The following APOBEC3A variants were observed in gnomAD, a reference collection of about 807,000 sequenced individuals.
APOBEC3A encodes DNA dC->dU-editing enzyme APOBEC-3A.
Under a neutral mutation model 23.0 loss-of-function variants are expected in APOBEC3A, and 13 were observed. That is an observed-to-expected ratio of 0.57 (90% CI 0.37 to 0.90). APOBEC3A has a LOEUF of 0.90. Among genes scored for constraint, APOBEC3A ranks in the 40% least tolerant of loss-of-function variants. APOBEC3A has a pLI of 0.01. For missense variants in APOBEC3A, 179 were observed against 264.9 expected, an observed-to-expected ratio of 0.68 and a Z score of 2.25; for synonymous variants, 74 against 101.3, an observed-to-expected ratio of 0.73 and a Z score of 1.62.
At chr22:38,960,954 T>C (rs1922853010) in intron 2 of APOBEC3A, among the ~76,000 whole-genome samples, 1 of 151,722 alleles carries the variant, frequency 6.6e-6, no homozygotes, top group Non-Finnish European at 1.5e-5. Flanking sequence ...TCCTGAAGGC[T>C]CTGACCTTGG....
intron 1 of APOBEC3A, 88 bp from the exon 2 acceptor site, chr22:38,959,454 G>A (rs1922767268): frequency 3.4e-6 from 5 of 1,492,124 alleles, no homozygotes; most frequent in African/African-American, 1.4e-5. Context: ...AGGGTGGGGT[G>A]CAAGGGAGGA....
chr22:38,961,597 A>G lies in APOBEC3A; in HGVS notation c.385A>G (p.Ile129Val). 6.5e-7 allele frequency: 1 copy of G among 1,533,030 alleles called. No individual in the cohort carries two copies. Among genetic ancestry groups the G allele is most frequent in the South Asian group, 1.1e-5 (1 of 88,034 alleles). The allele number at this position is 1,533,030 out of a possible 1,614,324, so 95.0% of individuals were successfully genotyped here. A position where few individuals can be genotyped will look rare whatever the true frequency, so the allele number is the denominator to read the frequency against. ...HVRLRIFAAR[I>V]YDYDPLYKEA... ...GAGACTGCGTATCTTCGCTGCCCGC[A>G]TCTATGATTACGACCCCCTATATAA... Residue 129 changes from isoleucine to valine, a missense_variant, in exon 3 of 5, where the codon ATC (isoleucine) becomes GTC (valine). Physicochemically the swap from Ile to Val is conservative, Grantham distance 29. Around this residue, in one of 5 missense-constraint regions of APOBEC3A, gnomAD observed 37 missense variants for 47.8 expected, o/e 0.77. Coordinates refer to ENST00000249116, the MANE Select transcript of APOBEC3A (RefSeq NM_145699.4).
intron 2 of APOBEC3A, 103 bp downstream of exon 2, chr22:38,959,789 T>C: frequency 6.9e-7 from 1 of 1,447,694 alleles, no homozygotes; most frequent in Non-Finnish European, 9.3e-7. Flanking sequence ...GCAGTGTTTG[T>C]CACTTGTGCT....
At position 38,959,590 on chromosome 22, in the gene APOBEC3A, T is replaced by C; in HGVS notation, c.78T>C (p.Ile26=). The change falls in exon 2 of 5, where the codon ATT becomes ATC. Residue 26 remains isoleucine, a synonymous_variant. Transcript: ENST00000249116. ...TCACTTCCAACTTTAACAATGGCAT[T>C]GGAAGGCATAAGACCTACCTGTGCT... The part of the protein sequence containing the change: ...HIFTSNFNNG[I]GRHKTYLCYE... The C allele has an allele frequency of 6.2e-7, 1 of 1,614,022 alleles. No individual in the cohort carries two copies. The highest frequency in any genetic ancestry group is 1.1e-5 in the South Asian group (1 of 91,086).
chr22:38,960,627 C>A (rs1922837415), intron 2 of APOBEC3A, among the ~76,000 whole-genome samples: 1 of 152,202 alleles, frequency 6.6e-6, no homozygotes. Flanking sequence ...TATACCATGT[C>A]ACAGGGACCT....
rs1922631011 is a variant in APOBEC3A, at chr22:38,957,689, C to T, written c.-3C>T. On this transcript the variant is annotated 5_prime_UTR_variant, in exon 1 of 5. Transcript: ENST00000249116. ...AGACCAGGAACCGAGAAGGGACAAG[C>T]ACATGGAAGCCAGCCCAGCATCCGG... 1.2e-6 allele frequency: 2 copies of T among 1,612,856 alleles called. No individual in the cohort carries two copies. The highest frequency in any genetic ancestry group is 2.2e-5 in the East Asian group (1 of 44,882).
rs1413959034 is a variant in APOBEC3A at position 38,963,003 on chromosome 22, C to T, written c.*494C>T. On this transcript the variant is annotated 3_prime_UTR_variant, in exon 5 of 5. Coordinates refer to ENST00000249116, the MANE Select transcript of APOBEC3A (RefSeq NM_145699.4). ...GAATTAATTTTAACTGAAAATTTCT[C>T]TTATGTTCCAAGTACACAATAGTAA... 11 of 178,654 alleles carry T rather than the reference C, an allele frequency of 6.2e-5. No homozygotes were observed. 11.1% of individuals were successfully genotyped at this position (178,654 alleles called of 1,614,324 possible). A position where few individuals can be genotyped will look rare whatever the true frequency, so the allele number is the denominator to read the frequency against.
intron 4 of APOBEC3A, 53 bp downstream of exon 4, chr22:38,962,266 A>T (rs916212271): frequency 3.8e-6 from 6 of 1,564,058 alleles, no homozygotes; most frequent in East Asian, 2.4e-5. Context: ...CCTCCTCCCC[A>T]CTCCCCTGGG....
Position 38,957,659 on chromosome 22 carries a change from G to A in APOBEC3A, c.-33G>A, listed in dbSNP as rs763929629. Reference sequence around the variant, plus strand: ...CTTGAGCAAGTCGCAAGAGCGGGAGGACACAGACCAGGAACCGAGAAGGGA... The same window carrying A: ...CTTGAGCAAGTCGCAAGAGCGGGAGAACACAGACCAGGAACCGAGAAGGGA... On this transcript the variant is annotated 5_prime_UTR_variant, in exon 1 of 5. Transcript: ENST00000249116. 16 of 1,610,720 alleles carry A rather than the reference G, an allele frequency of 9.9e-6. No homozygotes were observed. In the East Asian group the frequency reaches 2.2e-4, roughly 22 times the overall value.
At chr22:38,961,834 C>T (rs1922906326) in intron 3 of APOBEC3A, among the ~76,000 whole-genome samples, 153 bp downstream of exon 3, 1 of 151,842 alleles carries the variant, frequency 6.6e-6, no homozygotes, top group Admixed American at 6.6e-5. Context: ...GAGGCCAGGC[C>T]AGGAGATGTG....
intron 1 of APOBEC3A, among the ~76,000 whole-genome samples, chr22:38,958,729 T>C (rs1251745292): frequency 6.8e-6 from 1 of 146,756 alleles, no homozygotes; most frequent in African/African-American, 2.6e-5. Context: ...TTTCCTTCCT[T>C]CCTCCCTCCC....
chr22:38,958,316 T>TTC (rs199853737), intron 1 of APOBEC3A, among the ~76,000 whole-genome samples: 1 of 150,284 alleles, frequency 6.7e-6, no homozygotes, highest in African/African-American at 2.5e-5. Flanking sequence ...CTTCCTTCAA[T>TTC]TCTCTCTCTC....
chr22:38,957,804 C>T lies in APOBEC3A; in HGVS notation c.29+84C>T, dbSNP rs1473407509. 5 of 1,521,398 alleles carry T rather than the reference C, an allele frequency of 3.3e-6. No individual in the cohort carries two copies. The African/African-American group carries it at 4.1e-5, about 13-fold the overall frequency. The allele number at this position is 1,521,398 out of a possible 1,614,324, so 94.2% of individuals were successfully genotyped here. The stretch of plus-strand genomic sequence containing the variant: ...TGAGCACTCACCTCTCACCCTCAAA[C>T]CCCTGGGGCCTCTCTTTTCCTCCTG... On this transcript the variant is annotated intron_variant, in intron 1 of 4. Coordinates refer to ENST00000249116, the MANE Select transcript of APOBEC3A (RefSeq NM_145699.4).
chr22:38,960,153 A>T (rs1218768773), intron 2 of APOBEC3A, among the ~76,000 whole-genome samples: 6 of 152,164 alleles, frequency 3.9e-5, no homozygotes, highest in Admixed American at 3.9e-4. Flanking sequence ...GATGTCCAGC[A>T]TTTGGGGAGG....
rs1407404459 is a variant in APOBEC3A at position 38,962,818 on chromosome 22, C to T, written c.*309C>T. 1.8e-4 allele frequency: 103 copies of T among 557,796 alleles called. 10 individuals are homozygous for T. The East Asian group carries it at 5.7e-3, about 31-fold the overall frequency. 34.6% of individuals were successfully genotyped at this position (557,796 alleles called of 1,614,324 possible). On this transcript the variant is annotated 3_prime_UTR_variant, in exon 5 of 5. Coordinates refer to ENST00000249116, the MANE Select transcript of APOBEC3A (RefSeq NM_145699.4). ...CTAAAAATACAAAAAATTAGCCAGGCGTGGTGGCGGGCGCCTGTAGTCCCA... is the reference window on the plus strand; with the variant it reads ...CTAAAAATACAAAAAATTAGCCAGGTGTGGTGGCGGGCGCCTGTAGTCCCA...
chr22:38,958,339 TTCTTTCTC>T (rs1283195999), intron 1 of APOBEC3A, among the ~76,000 whole-genome samples: 6 of 147,960 alleles, frequency 4.1e-5, no homozygotes, highest in African/African-American at 1.6e-4. Context: ...TCTTTCTTCT[TTCTTTCTC>T]TCTCTCTCTT....
Position 38,962,676 on chromosome 22 carries a change from T to TA in APOBEC3A, c.*167_*168insA. 6.7e-7 allele frequency: 1 copy of TA among 1,500,548 alleles called. No homozygotes were observed. Among genetic ancestry groups the TA allele is most frequent in the Non-Finnish European group, 8.9e-7 (1 of 1,118,970 alleles). The allele number at this position is 1,500,548 out of a possible 1,614,324, so 93.0% of individuals were successfully genotyped here. ...CAAGTAGATTTTTAAAAAATCAGAG[T>TA]GGGCCGGGCGCGGTGGCTCACGCCT... On this transcript the variant is annotated 3_prime_UTR_variant, in exon 5 of 5. Transcript: ENST00000249116.
intron 1 of APOBEC3A, among the ~76,000 whole-genome samples, chr22:38,958,960 C>T (rs1428387563): frequency 6.6e-6 from 1 of 152,010 alleles, no homozygotes; most frequent in East Asian, 1.9e-4. Context: ...CAAGGTGGGG[C>T]TGGTGTTTCC....
rs764679480 is a variant in APOBEC3A, at chr22:38,959,585, G to A, written c.73G>A (p.Gly25Ser). The change falls in exon 2 of 5, where the codon GGC becomes AGC. Residue 25 changes from glycine (G) to serine (S), a missense_variant. By Grantham distance (56) the Gly-to-Ser change is moderately conservative (BLOSUM62 0). Transcript: ENST00000249116. ...CATATTCACTTCCAACTTTAACAAT[G>A]GCATTGGAAGGCATAAGACCTACCT... is the stretch of plus-strand genomic sequence containing the variant. ...PHIFTSNFNN[G>S]IGRHKTYLCY... The A allele has an allele frequency of 3.1e-6, 5 of 1,614,054 alleles. No individual in the cohort carries two copies. Among genetic ancestry groups the A allele is most frequent in the Non-Finnish European group, 4.2e-6 (5 of 1,179,984 alleles).
Sources: allele counts gnomAD v4.1 joint callset (sites outside exome capture counted in the v4.1 genomes callset), GRCh38; gene constraint gnomAD v4.1.1; regional missense constraint gnomAD v4.1.1; transcripts MANE v1.5; gene names NCBI Gene and HGNC (gene_info 2026-07-23, HGNC 2026-07-21).